The following EIF2AK2 variants were observed in gnomAD, a reference collection of about 807,000 sequenced individuals.
EIF2AK2 encodes the protein eukaryotic translation initiation factor 2 alpha kinase 2.
EIF2AK2 carries 40 observed loss-of-function variants against 70.5 expected under a neutral mutation model. That is an observed-to-expected ratio of 0.57 (90% CI 0.44 to 0.74). EIF2AK2 has a LOEUF of 0.74. EIF2AK2 is among the 30% of genes least tolerant of loss of function. The pLI is 0.00. For synonymous variants in EIF2AK2, 198 were observed against 220.9 expected (o/e 0.90, Z 0.92); for missense variants, 555 against 644.3 (o/e 0.86, Z 1.50).
Position 37,148,874 on chromosome 2 carries a change from C to T in EIF2AK2, c.-34G>A. On this transcript the variant is annotated 5_prime_UTR_variant, in exon 2 of 17. Coordinates refer to ENST00000233057, the MANE Select transcript of EIF2AK2 (RefSeq NM_001135651.3). Reference sequence around the variant, plus strand: ...GCTTGTACCTGGTTGGAAGCTTTGTCCAAAATGCACGCAGATAATCACGGA... The same window carrying T: ...GCTTGTACCTGGTTGGAAGCTTTGTTCAAAATGCACGCAGATAATCACGGA... 4 of 836,482 alleles carry T rather than the reference C, an allele frequency of 4.8e-6. No homozygotes were observed. In the South Asian group the frequency reaches 5.3e-5, roughly 11 times the overall value. 51.8% of individuals were successfully genotyped at this position (836,482 alleles called of 1,614,324 possible). A position where few individuals can be genotyped will look rare whatever the true frequency, so the allele number is the denominator to read the frequency against.
rs187489902 is a variant in EIF2AK2, at chr2:37,155,768, C to T, written c.-184+1140G>A. Among the ~76,000 whole-genome samples, 9 of 152,158 alleles carry T rather than the reference C, an allele frequency of 5.9e-5. No homozygotes were observed. In the East Asian group the frequency reaches 1.5e-3, roughly 26 times the overall value. On this transcript the variant is annotated intron_variant, in intron 1 of 16. Transcript: ENST00000233057. ...ACAGCCTGGCCAACACGGTGAAACC[C>T]TGTCTCTACTAAAAATAAAAAAATT... is the stretch of plus-strand genomic sequence containing the variant.
At chr2:37,119,820 G>A (rs2148675234) in intron 13 of EIF2AK2, 139 bp downstream of exon 13, 2 of 376,858 alleles carry the variant, frequency 5.3e-6, no homozygotes, top group South Asian at 2.5e-4. Flanking sequence ...TCGAACTCAT[G>A]ACCTCAGATG....
rs1480710099 is a variant in EIF2AK2 at position 37,136,840 on chromosome 2, TA to T, written c.722+142del. 3 of 698,544 alleles carry T rather than the reference TA, an allele frequency of 4.3e-6. No homozygotes were observed. The African/African-American group carries it at 5.5e-5, about 13-fold the overall frequency. The allele number at this position is 698,544 out of a possible 1,614,324, so 43.3% of individuals were successfully genotyped here. On this transcript the variant is annotated intron_variant, in intron 9 of 16. Transcript: ENST00000233057. ...AAAGATTTCTCGACACATCTAAAAT[TA>T]TTTGTTTATAGATTTCAAGCTTTCT...
chr2:37,138,984 A>T (rs1675226798), intron 6 of EIF2AK2, among the ~76,000 whole-genome samples: 1 of 146,438 alleles, frequency 6.8e-6, no homozygotes, highest in Admixed American at 6.8e-5. Context: ...TTTTGTAGCG[A>T]CATGGTTTTG....
At chr2:37,110,574 A>G (rs150935760) in intron 14 of EIF2AK2, among the ~76,000 whole-genome samples, 38 of 152,280 alleles carry the variant, frequency 2.5e-4, no homozygotes, top group African/African-American at 8.2e-4. Context: ...TTTTATGCCA[A>G]CTGGCTCCCC....
intron 13 of EIF2AK2, 103 bp from the exon 14 acceptor site, chr2:37,114,962 C>G: frequency 1.3e-6 from 1 of 775,100 alleles, no homozygotes; most frequent in Non-Finnish European, 1.8e-6. Flanking sequence ...ATTTATAAGA[C>G]CTTTACCCTT....
At chr2:37,117,965 T>G (rs142265218) in intron 13 of EIF2AK2, among the ~76,000 whole-genome samples, 191 of 152,204 alleles carry the variant, frequency 1.3e-3, no homozygotes, top group Non-Finnish European at 2.5e-3. Flanking sequence ...AATCAACAAC[T>G]GTAGTAGTGA....
chr2:37,118,175 G>A (rs553505797), intron 13 of EIF2AK2, among the ~76,000 whole-genome samples: 2 of 151,954 alleles, frequency 1.3e-5, no homozygotes, highest in African/African-American at 4.8e-5. Flanking sequence ...ATGGCCAGGT[G>A]TGGTGGTGTA....
chr2:37,129,342 C>G (rs774846070), intron 10 of EIF2AK2, among the ~76,000 whole-genome samples: 5 of 152,172 alleles, frequency 3.3e-5, no homozygotes, highest in Non-Finnish European at 5.9e-5. Context: ...ATCCCCTGGC[C>G]TCCCACCAAA....
intron 13 of EIF2AK2, among the ~76,000 whole-genome samples, chr2:37,116,849 C>T (rs1312649079): frequency 1.3e-5 from 2 of 152,126 alleles, no homozygotes; most frequent in Admixed American, 6.6e-5. Context: ...ATTTGTGAAG[C>T]CGTGTAAATA....
intron 9 of EIF2AK2, 98 bp downstream of exon 9, chr2:37,136,885 A>C (rs1675144990): frequency 8.9e-7 from 1 of 1,128,842 alleles, no homozygotes; most frequent in African/African-American, 1.6e-5. Context: ...AACTCTGCTC[A>C]AATAAGGGTG....
rs1674481393 is a variant in EIF2AK2 at position 37,120,041 on chromosome 2, A to G, written c.1166T>C (p.Val389Ala). ...TTGTTCAAAGAGTTCCAAAGCCAAA[A>G]CTTTGTCTAGTTTCTCGCCTCTTCT... is the stretch of plus-strand genomic sequence containing the variant. ...EKRRGEKLDK[V>A]LALELFEQIT... is the part of the protein sequence containing the mutation. Residue 389 changes from valine to alanine, a missense_variant, in exon 13 of 17, where the codon GTT (valine) becomes GCT (alanine). Val to Ala is a moderately conservative substitution (Grantham distance 64). Transcript: ENST00000233057. 1 of 1,567,636 alleles carries G rather than the reference A, an allele frequency of 6.4e-7. No homozygotes were observed. Among genetic ancestry groups the G allele is most frequent in the Non-Finnish European group, 8.7e-7 (1 of 1,153,672 alleles).
At chr2:37,154,194 A>G (rs926904505) in intron 1 of EIF2AK2, among the ~76,000 whole-genome samples, 1 of 151,956 alleles carries the variant, frequency 6.6e-6, no homozygotes, top group African/African-American at 2.4e-5. Context: ...GGGTGGTGGC[A>G]CATGCCTGTA....
At position 37,101,461 on chromosome 2, in the gene EIF2AK2, G is replaced by A. The variant is rs1673823830; in HGVS notation, c.*5812C>T. On this transcript the variant is annotated 3_prime_UTR_variant, in exon 17 of 17. Coordinates refer to ENST00000233057, the MANE Select transcript of EIF2AK2 (RefSeq NM_001135651.3). ...TTGATGAGAAACTTTGTAGTAGTTG[G>A]TACCACCAGAACTCATTGATCAATA... is the stretch of plus-strand genomic sequence containing the variant. 1 of 152,178 alleles carries A rather than the reference G, an allele frequency of 6.6e-6. No homozygotes were observed. Among genetic ancestry groups the A allele is most frequent in the African/African-American group, 2.4e-5 (1 of 41,442 alleles). 9.4% of individuals were successfully genotyped at this position (152,178 alleles called of 1,614,324 possible). A position where few individuals can be genotyped will look rare whatever the true frequency, so the allele number is the denominator to read the frequency against.
At chr2:37,119,875 A>AG (rs1417049971) in intron 13 of EIF2AK2, 84 bp downstream of exon 13, 73 of 809,146 alleles carry the variant, frequency 9.0e-5, no homozygotes, top group Non-Finnish European at 1.1e-4. Context: ...TATAGGCGTG[A>AG]GCCACTGTGC....
intron 2 of EIF2AK2, 124 bp downstream of exon 2, chr2:37,148,733 G>T: frequency 1.2e-6 from 1 of 837,230 alleles, no homozygotes; most frequent in South Asian, 1.3e-5. Flanking sequence ...CAGATTTGAG[G>T]ATTTACAGAA....
At chr2:37,155,339 C>G (rs1217663527) in intron 1 of EIF2AK2, among the ~76,000 whole-genome samples, 1 of 152,190 alleles carries the variant, frequency 6.6e-6, no homozygotes, top group Non-Finnish European at 1.5e-5. Flanking sequence ...GCATGAATTA[C>G]TACAGGTAAG....
intron 10 of EIF2AK2, among the ~76,000 whole-genome samples, chr2:37,132,844 C>T (rs1453943587): frequency 6.6e-6 from 1 of 152,142 alleles, no homozygotes; most frequent in Non-Finnish European, 1.5e-5. Context: ...ATTGATTTTA[C>T]CCATATGCCC....
chr2:37,150,086 A>AC (rs1300274866), intron 1 of EIF2AK2, among the ~76,000 whole-genome samples: 4 of 152,046 alleles, frequency 2.6e-5, no homozygotes, highest in African/African-American at 9.7e-5. Context: ...ACTTATCAAC[A>AC]CAAATAAGAA....
Sources: allele counts gnomAD v4.1 joint callset (sites outside exome capture counted in the v4.1 genomes callset), GRCh38; gene constraint gnomAD v4.1.1; transcripts MANE v1.5; gene names NCBI Gene and HGNC (gene_info 2026-07-23, HGNC 2026-07-21).